The following OXR1 variants were observed in gnomAD, a reference collection of about 807,000 sequenced individuals.
The protein encoded by OXR1 is oxidation resistance protein 1.
OXR1 carries 41 observed loss-of-function variants against 104.6 expected under a neutral mutation model. The observed-to-expected ratio is 0.39, with a 90% CI of 0.31 to 0.51. The LOEUF is 0.51. Among genes scored for constraint, OXR1 ranks in the 20% least tolerant of loss-of-function variants. The pLI, the probability that OXR1 is intolerant of heterozygous loss-of-function variation, is 0.77. For missense variants in OXR1, 955 were observed against 1,031.9 expected (o/e 0.93, Z 1.02); for synonymous variants, 348 against 348.4 (o/e 1.00, Z 0.01).
At chr8:106,489,363 C>G (rs374439860) in intron 2 of OXR1, among the ~76,000 whole-genome samples, 1 of 152,166 alleles carries the variant, frequency 6.6e-6, no homozygotes. Flanking sequence ...CCTGAGAGAG[C>G]ACACCCCAGC....
At chr8:106,552,457 C>T (rs1815913370) in intron 3 of OXR1, among the ~76,000 whole-genome samples, 1 of 152,098 alleles carries the variant, frequency 6.6e-6, no homozygotes, top group Non-Finnish European at 1.5e-5. Flanking sequence ...ATATGTGGCT[C>T]TCGGGCCTAA....
At chr8:106,672,314 C>T (rs1827094060) in intron 3 of OXR1, among the ~76,000 whole-genome samples, 1 of 135,470 alleles carries the variant, frequency 7.4e-6, no homozygotes, top group Admixed American at 7.1e-5. Flanking sequence ...TCTGTCTCTA[C>T]TAAAAATGAA....
chr8:106,572,708 C>T (rs1221483703), intron 3 of OXR1, among the ~76,000 whole-genome samples: 1 of 152,150 alleles, frequency 6.6e-6, no homozygotes, highest in African/African-American at 2.4e-5. Flanking sequence ...ACGTTTTCTT[C>T]ATGTCTGTCT....
chr8:106,626,777 T>G lies in OXR1; in HGVS notation c.221-52433T>G, dbSNP rs141867073. On this transcript the variant is annotated intron_variant, in intron 3 of 16. Coordinates refer to ENST00000517566, the MANE Select transcript of OXR1 (RefSeq NM_001198533.2). ...CAGATCTTAAACTTGAGGAAAAAAT[T>G]TTGTGGTTATTATTCACTAGCGTTG... is the stretch of plus-strand genomic sequence containing the variant. Among the ~76,000 whole-genome samples the G allele has an allele frequency of 1.6e-3, 242 of 151,372 alleles. 1 individual carries two copies. In the Middle Eastern group the frequency reaches 0.034, roughly 21 times the overall value.
intron 2 of OXR1, among the ~76,000 whole-genome samples, chr8:106,360,399 T>A (rs1563736350): frequency 6.6e-6 from 1 of 152,212 alleles, no homozygotes; most frequent in East Asian, 1.9e-4. Flanking sequence ...CTTTAAGAAT[T>A]CATTTTATCC....
At chr8:106,296,693 A>G (rs923244754) in intron 1 of OXR1, among the ~76,000 whole-genome samples, 1 of 152,128 alleles carries the variant, frequency 6.6e-6, no homozygotes, top group African/African-American at 2.4e-5. Context: ...ACTAAATATC[A>G]TCTCTGGCTG....
At chr8:106,653,847 C>A (rs1318129263) in intron 3 of OXR1, among the ~76,000 whole-genome samples, 1 of 151,822 alleles carries the variant, frequency 6.6e-6, no homozygotes, top group Non-Finnish European at 1.5e-5. Flanking sequence ...GTTAAGAAAT[C>A]CATTTAACAA....
chr8:106,349,114 A>G (rs1815616774), intron 1 of OXR1, among the ~76,000 whole-genome samples: 1 of 152,096 alleles, frequency 6.6e-6, no homozygotes, highest in Non-Finnish European at 1.5e-5. Flanking sequence ...TTTGCCAATG[A>G]TATGTTCCCC....
intron 3 of OXR1, among the ~76,000 whole-genome samples, chr8:106,567,210 A>G (rs1373227009): frequency 6.6e-6 from 1 of 152,172 alleles, no homozygotes; most frequent in Non-Finnish European, 1.5e-5. Flanking sequence ...GAGAGAGAAG[A>G]GAAGAACTTT....
At chr8:106,323,774 G>A (rs1814333100) in intron 1 of OXR1, among the ~76,000 whole-genome samples, 1 of 152,064 alleles carries the variant, frequency 6.6e-6, no homozygotes, top group African/African-American at 2.4e-5. Context: ...CAATATCACT[G>A]ACCATTAGAG....
Position 106,739,493 on chromosome 8 carries a change from T to G in OXR1, c.2073T>G (p.Val691=), listed in dbSNP as rs139044015. The G allele has an allele frequency of 1.6e-5, 26 of 1,612,614 alleles. No individual in the cohort carries two copies. In the African/African-American group the frequency reaches 3.3e-4, roughly 21 times the overall value. The change falls in exon 13 of 17, where the codon GTT becomes GTG. Residue 691 remains valine, a synonymous_variant. Coordinates refer to ENST00000517566, the MANE Select transcript of OXR1 (RefSeq NM_001198533.2). ...GGGAAGACATAAATTCAAAGCAGGT[T>G]GCTACAGTGAAAGCAGACCTGGAGT... ...TTREDINSKQ[V]ATVKADLESE...
intron 10 of OXR1, among the ~76,000 whole-genome samples, chr8:106,712,703 A>G (rs770158201): frequency 6.6e-6 from 1 of 152,032 alleles, no homozygotes. Flanking sequence ...AGTAAGTACA[A>G]TGTGTGTCTT....
chr8:106,662,779 TG>T (rs1479038097), intron 3 of OXR1, among the ~76,000 whole-genome samples: 2 of 152,022 alleles, frequency 1.3e-5, no homozygotes, highest in African/African-American at 4.8e-5. Flanking sequence ...AACCTAATAT[TG>T]GGGGGTGTAA....
intron 2 of OXR1, among the ~76,000 whole-genome samples, chr8:106,398,002 T>C (rs1473152885): frequency 6.6e-6 from 1 of 152,132 alleles, no homozygotes; most frequent in Non-Finnish European, 1.5e-5. Context: ...CTGTGCCTTG[T>C]AGATTAATCA....
At chr8:106,556,100 A>G (rs1816263830) in intron 3 of OXR1, among the ~76,000 whole-genome samples, 1 of 152,038 alleles carries the variant, frequency 6.6e-6, no homozygotes, top group African/African-American at 2.4e-5. Flanking sequence ...GAAAAGATCA[A>G]TCTGTGGAGA....
intron 16 of OXR1, 55 bp downstream of exon 16, chr8:106,745,917 T>G (rs1364895392): frequency 1.1e-6 from 1 of 913,492 alleles, no homozygotes; most frequent in Non-Finnish European, 1.8e-6. Context: ...AAAAATGCAT[T>G]TGGATTATTT....
chr8:106,372,029 G>T (rs1007570306), intron 2 of OXR1, among the ~76,000 whole-genome samples: 1 of 152,220 alleles, frequency 6.6e-6, no homozygotes, highest in Admixed American at 6.5e-5. Context: ...TAGACAGCAG[G>T]CAGTCACAAC....
chr8:106,534,864 A>T (rs915958208), intron 3 of OXR1, among the ~76,000 whole-genome samples: 5 of 152,264 alleles, frequency 3.3e-5, no homozygotes, highest in Admixed American at 3.3e-4. Context: ...AGTAATAGCT[A>T]ATCAATAGTA....
At chr8:106,524,028 G>C (rs940982112) in intron 3 of OXR1, among the ~76,000 whole-genome samples, 1 of 152,014 alleles carries the variant, frequency 6.6e-6, no homozygotes, top group Middle Eastern at 3.4e-3. Context: ...CATCTGCCTC[G>C]ACCTCCCAAA....
Sources: allele counts gnomAD v4.1 joint callset (sites outside exome capture counted in the v4.1 genomes callset), GRCh38; gene constraint gnomAD v4.1.1; transcripts MANE v1.5; gene names NCBI Gene and HGNC (gene_info 2026-07-23, HGNC 2026-07-21).